ROBO1: variants seen among roughly 807,000 people sequenced by gnomAD.
ROBO1 encodes the protein roundabout guidance receptor 1.
A neutral mutation model predicts 195.9 loss-of-function variants in ROBO1; 149 were observed. That is an observed-to-expected ratio of 0.76 (90% CI 0.67 to 0.87). The LOEUF (loss-of-function observed/expected upper bound fraction) is 0.87. Ranked by LOEUF, ROBO1 falls within the 40% of genes least tolerant of loss-of-function variation. ROBO1 has a pLI of 0.00. For synonymous variants in ROBO1, 816 were observed against 733.2 expected (o/e 1.11, Z -1.82); for missense variants, 1,933 against 2,068.3 (o/e 0.93, Z 1.27).
In ROBO1 at chr3:79,689,562, A is replaced by G. The variant is rs768813965; in HGVS notation, c.-51+78190T>C. Among the ~76,000 whole-genome samples the G allele has an allele frequency of 1.1e-3, 161 of 152,118 alleles. 3 individuals carry two copies. Among genetic ancestry groups the G allele is most frequent in the Admixed American group, 3.9e-4 (6 of 15,236 alleles). ...TAATCACCATCCCCTTTTCCTTATGAGGCAAATAAAACAGATCAGGAAGAG... is the reference window on the plus strand; with the variant it reads ...TAATCACCATCCCCTTTTCCTTATGGGGCAAATAAAACAGATCAGGAAGAG... On this transcript the variant is annotated intron_variant, in intron 1 of 30. Transcript: ENST00000464233.
intron 1 of ROBO1, among the ~76,000 whole-genome samples, chr3:79,619,827 C>T (rs1166236592): frequency 6.6e-6 from 1 of 152,092 alleles, no homozygotes; most frequent in Non-Finnish European, 1.5e-5. Context: ...ATTTTATTAC[C>T]CAATCCACTC....
At chr3:78,990,601 C>T (rs1213401438) in intron 3 of ROBO1, among the ~76,000 whole-genome samples, 1 of 152,124 alleles carries the variant, frequency 6.6e-6, no homozygotes, top group African/African-American at 2.4e-5. Context: ...AAAATTTAAG[C>T]ATCTTCCATC....
intron 2 of ROBO1, among the ~76,000 whole-genome samples, chr3:79,540,927 T>C (rs961457390): frequency 6.6e-6 from 1 of 152,154 alleles, no homozygotes; most frequent in Admixed American, 6.6e-5. Context: ...AACACATAAT[T>C]ATTGCATTTT....
chr3:79,573,434 C>T (rs1461737215), intron 2 of ROBO1, among the ~76,000 whole-genome samples: 1 of 151,954 alleles, frequency 6.6e-6, no homozygotes. Context: ...TTATTTGTCA[C>T]CAGAAATTAA....
At chr3:79,745,376 G>T (rs1703830464) in intron 1 of ROBO1, among the ~76,000 whole-genome samples, 1 of 152,110 alleles carries the variant, frequency 6.6e-6, no homozygotes, top group Non-Finnish European at 1.5e-5. Flanking sequence ...TCTGGTTCTT[G>T]TCTTTTTTAA....
intron 4 of ROBO1, among the ~76,000 whole-genome samples, chr3:78,884,593 G>A (rs568271196): frequency 3.4e-5 from 5 of 145,430 alleles, no homozygotes; most frequent in Non-Finnish European, 7.5e-5. Flanking sequence ...AAGGGAGAAA[G>A]AAAGAAAGAG....
At chr3:79,479,739 T>C (rs956790097) in intron 2 of ROBO1, among the ~76,000 whole-genome samples, 4 of 152,200 alleles carry the variant, frequency 2.6e-5, no homozygotes, top group Admixed American at 2.6e-4. Flanking sequence ...GTTAACAGGA[T>C]GTTATCCCTT....
chr3:79,049,162 T>A (rs1038903704), intron 3 of ROBO1, among the ~76,000 whole-genome samples: 1 of 152,076 alleles, frequency 6.6e-6, no homozygotes, highest in Admixed American at 6.6e-5. Flanking sequence ...AAAGGTTAGA[T>A]GAATGGGTAA....
At chr3:78,972,228 C>A (rs1429917314) in intron 3 of ROBO1, among the ~76,000 whole-genome samples, 1 of 152,066 alleles carries the variant, frequency 6.6e-6, no homozygotes, top group Non-Finnish European at 1.5e-5. Context: ...GAACAAAGGG[C>A]TTAGTTTGAG....
At chr3:78,720,024 A>C (rs1261168229) in intron 5 of ROBO1, among the ~76,000 whole-genome samples, 2 of 152,138 alleles carry the variant, frequency 1.3e-5, no homozygotes, top group Admixed American at 1.3e-4. Flanking sequence ...GAAGTGTTAA[A>C]ATAACCTCAC....
intron 3 of ROBO1, among the ~76,000 whole-genome samples, chr3:78,976,872 C>A (rs1042949270): frequency 6.6e-6 from 1 of 152,008 alleles, no homozygotes; most frequent in African/African-American, 2.4e-5. Flanking sequence ...CTTTAAAGAC[C>A]ACTATATATG....
intron 2 of ROBO1, among the ~76,000 whole-genome samples, chr3:79,540,530 C>T (rs752588255): frequency 5.3e-5 from 8 of 152,064 alleles, no homozygotes; most frequent in East Asian, 1.9e-4. Context: ...CTCCCCATCA[C>T]GAATCTCATG....
chr3:78,606,237 A>C (rs1453162513), intron 29 of ROBO1, among the ~76,000 whole-genome samples: 1 of 152,132 alleles, frequency 6.6e-6, no homozygotes. Context: ...CAGTTGTGTG[A>C]TCTCAGCTGA....
intron 3 of ROBO1, among the ~76,000 whole-genome samples, chr3:79,083,070 G>A (rs1364006472): frequency 6.6e-6 from 1 of 152,116 alleles, no homozygotes; most frequent in Non-Finnish European, 1.5e-5. Flanking sequence ...GGTGGTGCAT[G>A]CCTGTAGTCC....
chr3:79,644,536 G>A (rs982864946), intron 1 of ROBO1, among the ~76,000 whole-genome samples: 10 of 152,080 alleles, frequency 6.6e-5, no homozygotes, highest in Non-Finnish European at 8.8e-5. Flanking sequence ...TGCAGGGGAA[G>A]TCCTCTTTTT....
In ROBO1 at chr3:78,617,783, T is replaced by C; in HGVS notation, c.4134A>G (p.Ser1378=). 6.2e-7 allele frequency: 1 copy of C among 1,613,908 alleles called. No homozygotes were observed. The highest frequency in any genetic ancestry group is 1.7e-5 in the Admixed American group (1 of 60,016). The change falls in exon 27 of 31, where the codon TCA becomes TCG. Residue 1378 remains serine, a synonymous_variant. Coordinates refer to ENST00000464233, the MANE Select transcript of ROBO1 (RefSeq NM_002941.4). The part of the protein sequence containing the change: ...GSMINGWGSA[S]EEDNISSGRS... ...GTCCGCTGGAAATGTTGTCCTCCTC[T>C]GAGGCTGAGCCCCAGCCGTTGATCA... is the stretch of plus-strand genomic sequence containing the variant.
At chr3:79,603,912 A>G (rs1944409689) in intron 1 of ROBO1, among the ~76,000 whole-genome samples, 1 of 152,036 alleles carries the variant, frequency 6.6e-6, no homozygotes, top group South Asian at 2.1e-4. Context: ...AACATAAAAC[A>G]AAACAATGCA....
intron 1 of ROBO1, among the ~76,000 whole-genome samples, chr3:79,677,187 A>C (rs888511446): frequency 1.3e-5 from 2 of 151,912 alleles, no homozygotes; most frequent in Non-Finnish European, 2.9e-5. Flanking sequence ...TCAGTTCCAT[A>C]ATTAAACTAC....
intron 3 of ROBO1, among the ~76,000 whole-genome samples, chr3:79,071,144 T>C (rs1359424029): frequency 6.6e-6 from 1 of 152,012 alleles, no homozygotes; most frequent in East Asian, 1.9e-4. Context: ...CATCATGCTG[T>C]ATAATAGATC....
Sources: gnomAD v4.1 joint callset for allele counts (sites outside exome capture counted in the v4.1 genomes callset) on GRCh38, gnomAD v4.1.1 for gene constraint, MANE v1.5 for transcripts, NCBI Gene and HGNC (gene_info 2026-07-23, HGNC 2026-07-21) for gene names.